Variants in C6orf118 observed in about 807,000 individuals in gnomAD.
C6orf118 encodes the protein uncharacterized protein C6orf118.
A neutral mutation model predicts 50.2 loss-of-function variants in C6orf118; 50 were observed. The observed-to-expected ratio is 1.00, with a 90% confidence interval of 0.79 to 1.26. C6orf118 has a LOEUF of 1.26. Among genes scored for constraint, C6orf118 ranks in the 50% most tolerant of loss-of-function variants. The pLI, the probability that C6orf118 is intolerant of heterozygous loss-of-function variation, is 0.00. For synonymous variants in C6orf118, 239 were observed against 230.9 expected (o/e 1.03, Z -0.32); for missense variants, 641 against 578.7 (o/e 1.11, Z -1.10).
At chr6:165,306,240 C>T (rs1394826460) in intron 1 of C6orf118, among the ~76,000 whole-genome samples, 1 of 46,982 alleles carries the variant, frequency 2.1e-5, no homozygotes, top group Non-Finnish European at 4.0e-5. Context: ...AACCAAACAC[C>T]GCATATTCTC....
intron 1 of C6orf118, among the ~76,000 whole-genome samples, chr6:165,307,733 T>C (rs1371476443): frequency 7.1e-6 from 1 of 140,782 alleles, no homozygotes; most frequent in East Asian, 1.9e-4. Context: ...AGAAATGTAC[T>C]TCTGGAAAGA....
At chr6:165,291,433 G>A (rs1273098006) in intron 6 of C6orf118, among the ~76,000 whole-genome samples, 1 of 152,136 alleles carries the variant, frequency 6.6e-6, no homozygotes, top group Admixed American at 6.5e-5. Flanking sequence ...TGTTGGAAGA[G>A]GTTGAGGGGT....
At position 165,294,697 on chromosome 6, in the gene C6orf118, G is replaced by A. The variant is rs778039538; in HGVS notation, c.1062-1226C>T. ...ACCTAGGAGTTGGAGACCAGCTTGG[G>A]CAACATGGTGAAACCCCAGCTCTAC... On this transcript the variant is annotated intron_variant, in intron 5 of 8. Transcript: ENST00000230301. Among the ~76,000 whole-genome samples, 12 of 152,040 alleles carry A rather than the reference G, an allele frequency of 7.9e-5. 1 individual carries two copies. The highest frequency in any genetic ancestry group is 2.0e-4 in the Admixed American group (3 of 15,246).
At chr6:165,297,911 AC>A (rs1265747038) in intron 5 of C6orf118, 65 bp downstream of exon 5, 2 of 1,604,260 alleles carry the variant, frequency 1.2e-6, no homozygotes, top group African/African-American at 2.7e-5. Flanking sequence ...TAGGCTTGTC[AC>A]AGCGGTTTCA....
intron 5 of C6orf118, 137 bp from the exon 6 acceptor site, chr6:165,293,608 T>C (rs1780184053): frequency 1.6e-6 from 1 of 612,138 alleles, no homozygotes; most frequent in Non-Finnish European, 2.9e-6. Flanking sequence ...ACAGATACTC[T>C]GAAGATATTT....
At chr6:165,302,628 C>A (rs1583026501) in intron 1 of C6orf118, among the ~76,000 whole-genome samples, 1 of 152,164 alleles carries the variant, frequency 6.6e-6, no homozygotes, top group Non-Finnish European at 1.5e-5. Flanking sequence ...AGTGTACAAT[C>A]TTAATTATAA....
intron 8 of C6orf118, among the ~76,000 whole-genome samples, chr6:165,280,621 C>T (rs187165027): frequency 3.3e-5 from 5 of 152,312 alleles, no homozygotes; most frequent in East Asian, 1.9e-4. Context: ...GACCTTGGCC[C>T]ATGGTGCTGG....
chr6:165,293,800 A>T lies in C6orf118; in HGVS notation c.1062-329T>A, dbSNP rs1227124777. 7.9e-5 allele frequency among the ~76,000 whole-genome samples: 12 copies of T among 152,300 alleles called. 1 individual carries two copies. The highest frequency in any genetic ancestry group is 1.9e-4 in the East Asian group (1 of 5,186). ...AAAAAAAATTTAAAAAAGATAATTT[A>T]AAAAAACGTAGCATTTTACACTCAG... On this transcript the variant is annotated intron_variant, in intron 5 of 8. Coordinates refer to ENST00000230301, the MANE Select transcript of C6orf118 (RefSeq NM_144980.4).
intron 7 of C6orf118, among the ~76,000 whole-genome samples, chr6:165,286,490 G>C (rs1222662193): frequency 6.6e-6 from 1 of 152,000 alleles, no homozygotes; most frequent in African/African-American, 2.4e-5. Context: ...GAAAACTTCA[G>C]GCCAATACCT....
intron 7 of C6orf118, among the ~76,000 whole-genome samples, chr6:165,288,544 T>C (rs117111157): frequency 0.053 from 8,026 of 152,210 alleles, 287 homozygotes; most frequent in Non-Finnish European, 0.084. Flanking sequence ...CAAATGCCCA[T>C]CAACGATAGG....
chr6:165,292,840 A>G (rs1184617746), intron 6 of C6orf118, among the ~76,000 whole-genome samples: 1 of 152,176 alleles, frequency 6.6e-6, no homozygotes, highest in Non-Finnish European at 1.5e-5. Context: ...AGCAGGGGGA[A>G]AAAGGCGGTA....
intron 1 of C6orf118, among the ~76,000 whole-genome samples, chr6:165,306,699 G>A (rs776919616): frequency 2.6e-5 from 4 of 152,064 alleles, no homozygotes; most frequent in Non-Finnish European, 4.4e-5. Context: ...TTGCTGTTGT[G>A]TTATCCTTTG....
intron 7 of C6orf118, among the ~76,000 whole-genome samples, chr6:165,287,192 G>A (rs985873623): frequency 3.3e-5 from 5 of 151,986 alleles, no homozygotes; most frequent in African/African-American, 1.2e-4. Flanking sequence ...GCCATAAAGA[G>A]AACAAAATAT....
At chr6:165,285,866 T>C (rs1355843512) in intron 7 of C6orf118, among the ~76,000 whole-genome samples, 2 of 150,950 alleles carry the variant, frequency 1.3e-5, no homozygotes, top group East Asian at 2.0e-4. Context: ...CTAAAAGAAC[T>C]AGAGAACCAA....
chr6:165,297,915 C>T (rs1004896340), intron 5 of C6orf118, 62 bp downstream of exon 5: 43 of 1,605,948 alleles, frequency 2.7e-5, no homozygotes, highest in Middle Eastern at 3.3e-4. Context: ...CTTGTCACAG[C>T]GGTTTCAGAC....
chr6:165,301,115 A>G (rs1484700896), intron 2 of C6orf118, among the ~76,000 whole-genome samples: 3 of 152,062 alleles, frequency 2.0e-5, no homozygotes, highest in Non-Finnish European at 4.4e-5. Context: ...ACCAGTTCCC[A>G]GAAGGCGCCC....
intron 7 of C6orf118, among the ~76,000 whole-genome samples, chr6:165,285,883 A>T (rs1259678270): frequency 6.6e-6 from 1 of 152,040 alleles, no homozygotes; most frequent in East Asian, 1.9e-4. Context: ...CCAAGTGCAA[A>T]CAAACCCCAA....
chr6:165,287,560 G>A (rs189155251), intron 7 of C6orf118, among the ~76,000 whole-genome samples: 20 of 152,250 alleles, frequency 1.3e-4, no homozygotes, highest in African/African-American at 4.8e-4. Flanking sequence ...GACCTAAACA[G>A]CATGGTACTG....
At chr6:165,301,443 C>G in intron 2 of C6orf118, 126 bp downstream of exon 2, 1 of 1,328,510 alleles carries the variant, frequency 7.5e-7, no homozygotes, top group Non-Finnish European at 1.0e-6. Context: ...GAACACTGCC[C>G]CAAGAGCTAT....
Sources: gnomAD v4.1 joint callset for allele counts (sites outside exome capture counted in the v4.1 genomes callset) on GRCh38, gnomAD v4.1.1 for gene constraint, MANE v1.5 for transcripts, NCBI Gene and HGNC (gene_info 2026-07-23, HGNC 2026-07-21) for gene names.